Variants in CABLES1 observed in about 807,000 individuals in gnomAD.
CABLES1 encodes the protein Cdk5 and Abl enzyme substrate 1.
CABLES1 carries 36 observed loss-of-function variants against 57.8 expected under a neutral mutation model. The observed-to-expected ratio is 0.62, with a 90% CI of 0.48 to 0.82. The LOEUF (loss-of-function observed/expected upper bound fraction) is 0.82. Ranked by LOEUF, CABLES1 falls within the 40% of genes least tolerant of loss-of-function variation. The pLI is 0.00. For synonymous variants in CABLES1, 374 were observed against 363.0 expected (o/e 1.03, Z -0.35); for missense variants, 767 against 836.6 (o/e 0.92, Z 1.03).
chr18:23,241,060 C>G (rs1194018874), intron 7 of CABLES1, among the ~76,000 whole-genome samples: 3 of 152,206 alleles, frequency 2.0e-5, no homozygotes, highest in African/African-American at 7.2e-5. Flanking sequence ...CCCCTTCCTG[C>G]AAAAGCAATT....
chr18:23,177,042 G>T (rs1325589805), intron 1 of CABLES1, among the ~76,000 whole-genome samples: 2 of 152,106 alleles, frequency 1.3e-5, no homozygotes, highest in Non-Finnish European at 2.9e-5. Context: ...CCTCCAGCAA[G>T]GTTCGGTTCT....
In CABLES1 at chr18:23,153,929, G is replaced by A. The variant is rs553867071; in HGVS notation, c.845+17322G>A. ...ACCTGTAATCTCAGCCACCTAGGAC[G>A]CGGAAGCACAAGAATTGCTTGTAAC... On this transcript the variant is annotated intron_variant, in intron 1 of 9. Transcript: ENST00000256925. 7.2e-5 allele frequency among the ~76,000 whole-genome samples: 11 copies of A among 152,096 alleles called. No homozygotes were observed. The South Asian group carries it at 1.7e-3, about 23-fold the overall frequency.
At chr18:23,142,920 G>C (rs1236898612) in intron 1 of CABLES1, among the ~76,000 whole-genome samples, 1 of 152,142 alleles carries the variant, frequency 6.6e-6, no homozygotes, top group African/African-American at 2.4e-5. Flanking sequence ...TAAGCACTTT[G>C]ATGGGACTGA....
At chr18:23,154,191 G>A (rs532005044) in intron 1 of CABLES1, among the ~76,000 whole-genome samples, 3 of 152,260 alleles carry the variant, frequency 2.0e-5, no homozygotes, top group Admixed American at 6.5e-5. Context: ...GCCAAGTGCT[G>A]AAGTCTGAGT....
At chr18:23,164,392 G>A (rs544312074) in intron 1 of CABLES1, among the ~76,000 whole-genome samples, 1 of 151,470 alleles carries the variant, frequency 6.6e-6, no homozygotes, top group Non-Finnish European at 1.5e-5. Context: ...CCAGGGCCCC[G>A]CCATCAGCCC....
chr18:23,181,197 G>C (rs899848126), intron 1 of CABLES1, among the ~76,000 whole-genome samples: 1 of 152,036 alleles, frequency 6.6e-6, no homozygotes, highest in Non-Finnish European at 1.5e-5. Flanking sequence ...TAAAGAAAGC[G>C]GCCCTAGGCC....
intron 7 of CABLES1, among the ~76,000 whole-genome samples, chr18:23,244,274 T>G (rs927910882): frequency 3.9e-5 from 6 of 152,366 alleles, no homozygotes; most frequent in Non-Finnish European, 7.3e-5. Context: ...GAACATGCTC[T>G]GTGCCACCCA....
intron 1 of CABLES1, among the ~76,000 whole-genome samples, chr18:23,151,926 G>T (rs1287742135): frequency 6.6e-6 from 1 of 152,200 alleles, no homozygotes; most frequent in Admixed American, 6.5e-5. Flanking sequence ...GTAGCGAAGC[G>T]GGTGGAGAGA....
intron 4 of CABLES1, among the ~76,000 whole-genome samples, chr18:23,224,572 T>TG (rs1275247575): frequency 1.4e-5 from 2 of 141,438 alleles, no homozygotes; most frequent in African/African-American, 2.6e-5. Flanking sequence ...TTTTTTTTTT[T>TG]TTTTTTTTTT....
intron 3 of CABLES1, among the ~76,000 whole-genome samples, chr18:23,200,844 C>G (rs1412047128): frequency 6.6e-6 from 1 of 152,220 alleles, no homozygotes; most frequent in Non-Finnish European, 1.5e-5. Flanking sequence ...GATTGTGAAG[C>G]TGGAGTTTCT....
Position 23,224,458 on chromosome 18 carries a change from C to T in CABLES1, c.1089-10150C>T, listed in dbSNP as rs191886932. On this transcript the variant is annotated intron_variant, in intron 4 of 9. Transcript: ENST00000256925. ...TCCGTAAAAGGACTATAATGTCCAC[C>T]TCAGGGAGATGAATGAAATAGTAAA... 5.3e-5 allele frequency among the ~76,000 whole-genome samples: 8 copies of T among 152,108 alleles called. No individual in the cohort carries two copies. In the East Asian group the frequency reaches 1.2e-3, roughly 22 times the overall value.
chr18:23,196,553 C>T (rs894864675), intron 3 of CABLES1, among the ~76,000 whole-genome samples: 1 of 152,184 alleles, frequency 6.6e-6, no homozygotes, highest in Admixed American at 6.5e-5. Flanking sequence ...CATGACCCAG[C>T]CTTTCGAGAG....
rs1366143267 is a variant in CABLES1 at position 23,259,224 on chromosome 18, G to A, written c.*1857G>A. The A allele has an allele frequency of 6.6e-6, 1 of 152,174 alleles. No homozygotes were observed. The highest frequency in any genetic ancestry group is 1.9e-4 in the East Asian group (1 of 5,196). The allele number at this position is 152,174 out of a possible 1,614,324, so 9.4% of individuals were successfully genotyped here. On this transcript the variant is annotated 3_prime_UTR_variant, in exon 10 of 10. Transcript: ENST00000256925. ...CACCTTCCTGGTCAGTGCCTACAGG[G>A]GGAGAGCCTTTCTGAGAAGCAGGTC... is the stretch of plus-strand genomic sequence containing the variant.
At position 23,135,588 on chromosome 18, in the gene CABLES1, C is replaced by A; in HGVS notation, c.-175C>A. 2.4e-5 allele frequency: 6 copies of A among 254,868 alleles called. No homozygotes were observed. The highest frequency in any genetic ancestry group is 1.8e-4 in the East Asian group (1 of 5,540). 15.8% of individuals were successfully genotyped at this position (254,868 alleles called of 1,614,324 possible). A position where few individuals can be genotyped will look rare whatever the true frequency, so the allele number is the denominator to read the frequency against. On this transcript the variant is annotated 5_prime_UTR_variant, in exon 1 of 10. Coordinates refer to ENST00000256925, the MANE Select transcript of CABLES1 (RefSeq NM_001100619.3). The stretch of plus-strand genomic sequence containing the variant: ...TGGGCCGGGGCGGCGGCGCCCCCAT[C>A]CCCAGCACCGAGGGGCGAGCATGGC...
At chr18:23,194,708 A>C (rs1012688268) in intron 3 of CABLES1, among the ~76,000 whole-genome samples, 168 bp downstream of exon 3, 3 of 152,222 alleles carry the variant, frequency 2.0e-5, no homozygotes, top group Non-Finnish European at 4.4e-5. Flanking sequence ...TCATGCCAGA[A>C]TCACCAAAAG....
At chr18:23,234,531 C>T in intron 4 of CABLES1, 77 bp from the exon 5 acceptor site, 2 of 1,029,486 alleles carry the variant, frequency 1.9e-6, no homozygotes, top group South Asian at 2.7e-5. Flanking sequence ...ACTGTGTTGT[C>T]TCATGGAGTA....
In CABLES1 at chr18:23,187,456, A is replaced by G. The variant is rs377037994; in HGVS notation, c.846-1382A>G. Among the ~76,000 whole-genome samples the G allele has an allele frequency of 2.0e-5, 3 of 152,240 alleles. No homozygotes were observed. The East Asian group carries it at 5.8e-4, about 29-fold the overall frequency. ...GGCTGGAGTCCAGTGGCACGATCTC[A>G]GCTCACTGCAACCTCTGCCTCCCGG... is the stretch of plus-strand genomic sequence containing the variant. On this transcript the variant is annotated intron_variant, in intron 1 of 9. Coordinates refer to ENST00000256925, the MANE Select transcript of CABLES1 (RefSeq NM_001100619.3).
At chr18:23,226,013 G>C in intron 4 of CABLES1, among the ~76,000 whole-genome samples, 1 of 152,234 alleles carries the variant, frequency 6.6e-6, no homozygotes, top group East Asian at 1.9e-4. Context: ...GGAAGGAATT[G>C]TGAAAAACAG....
intron 1 of CABLES1, among the ~76,000 whole-genome samples, chr18:23,155,113 T>C (rs1446055287): frequency 6.6e-6 from 1 of 152,234 alleles, no homozygotes; most frequent in African/African-American, 2.4e-5. Context: ...CCAGAAATAA[T>C]TTAGCCTGTA....
Sources: gnomAD v4.1 joint callset for allele counts (sites outside exome capture counted in the v4.1 genomes callset) on GRCh38, gnomAD v4.1.1 for gene constraint, MANE v1.5 for transcripts, NCBI Gene and HGNC (gene_info 2026-07-23, HGNC 2026-07-21) for gene names.